Variants in SH3RF3 observed in about 807,000 individuals in gnomAD.
The protein encoded by SH3RF3 is SH3 domain containing ring finger 3, also known as E3 ubiquitin-protein ligase SH3RF3.
A neutral mutation model predicts 66.3 loss-of-function variants in SH3RF3; 29 were observed. That is an observed-to-expected ratio of 0.44 (90% CI 0.33 to 0.60). The LOEUF is 0.60. Ranked by LOEUF, SH3RF3 falls within the 20% of genes least tolerant of loss-of-function variation. The pLI is 0.04. For missense variants in SH3RF3, 1,194 were observed against 1,190.9 expected (o/e 1.00, Z -0.04); for synonymous variants, 583 against 532.0 (o/e 1.10, Z -1.32).
At chr2:109,281,047 G>A (rs116346772) in intron 1 of SH3RF3, among the ~76,000 whole-genome samples, 1,565 of 152,284 alleles carry the variant, frequency 0.01, 37 homozygotes, top group African/African-American at 0.035. Flanking sequence ...CCCCAGAGCC[G>A]ACCTTGTATG....
At chr2:109,477,175 C>T (rs1022818497) in intron 8 of SH3RF3, among the ~76,000 whole-genome samples, 7 of 152,142 alleles carry the variant, frequency 4.6e-5, no homozygotes, top group African/African-American at 1.7e-4. Flanking sequence ...GACCGTTGGC[C>T]TAGGAGAACT....
intron 1 of SH3RF3, among the ~76,000 whole-genome samples, chr2:109,171,992 G>T (rs567324601): frequency 1.2e-4 from 18 of 152,308 alleles, no homozygotes; most frequent in African/African-American, 4.1e-4. Flanking sequence ...CAGCTGAGTC[G>T]CCCGTTTCCC....
intron 1 of SH3RF3, among the ~76,000 whole-genome samples, chr2:109,146,969 T>C (rs915235191): frequency 2.8e-5 from 4 of 143,690 alleles, no homozygotes; most frequent in Admixed American, 7.3e-5. Flanking sequence ...TGTTCCCATC[T>C]TTCCTCCTGG....
intron 1 of SH3RF3, among the ~76,000 whole-genome samples, chr2:109,151,872 T>C (rs1333463177): frequency 6.6e-6 from 1 of 152,244 alleles, no homozygotes; most frequent in Non-Finnish European, 1.5e-5. Flanking sequence ...CGAATTGTCA[T>C]CATGATAGAA....
At chr2:109,159,302 G>A (rs1382787951) in intron 1 of SH3RF3, among the ~76,000 whole-genome samples, 2 of 152,200 alleles carry the variant, frequency 1.3e-5, no homozygotes, top group Non-Finnish European at 2.9e-5. Flanking sequence ...GACCGCTGCT[G>A]TACCGCGGTT....
chr2:109,142,434 C>T (rs1574471411), intron 1 of SH3RF3, among the ~76,000 whole-genome samples: 1 of 152,198 alleles, frequency 6.6e-6, no homozygotes, highest in Non-Finnish European at 1.5e-5. Context: ...ATATGTGTCC[C>T]GTGACTTCTT....
At chr2:109,392,533 G>A (rs1024822385) in intron 3 of SH3RF3, among the ~76,000 whole-genome samples, 7 of 151,584 alleles carry the variant, frequency 4.6e-5, no homozygotes, top group Admixed American at 2.6e-4. Context: ...TTTTGGAGAC[G>A]GAGTCTCGCA....
chr2:109,423,375 C>A (rs527573776), intron 5 of SH3RF3, among the ~76,000 whole-genome samples: 127 of 152,248 alleles, frequency 8.3e-4, no homozygotes, highest in African/African-American at 2.9e-3. Context: ...TCAGGAGTGA[C>A]CCCCTCATGA....
chr2:109,377,614 G>A (rs766099320), intron 3 of SH3RF3, among the ~76,000 whole-genome samples: 21 of 152,146 alleles, frequency 1.4e-4, no homozygotes, highest in Admixed American at 1.3e-4. Flanking sequence ...AATAATGGCA[G>A]CCAACATGAA....
intron 1 of SH3RF3, among the ~76,000 whole-genome samples, chr2:109,281,692 G>A (rs1472140870): frequency 6.6e-6 from 1 of 152,170 alleles, no homozygotes; most frequent in Admixed American, 6.5e-5. Context: ...TAGATTCAGG[G>A]TAGAGGAAAT....
chr2:109,376,805 C>T (rs1254408295), intron 3 of SH3RF3, among the ~76,000 whole-genome samples: 1 of 152,214 alleles, frequency 6.6e-6, no homozygotes, highest in East Asian at 1.9e-4. Context: ...CCCAAGGATC[C>T]TTAGAGACAG....
chr2:109,249,676 C>A (rs934019847), intron 1 of SH3RF3, among the ~76,000 whole-genome samples: 1 of 145,176 alleles, frequency 6.9e-6, no homozygotes, highest in Non-Finnish European at 1.5e-5. Context: ...TTGACAGAGT[C>A]TTGCTGTGTC....
In SH3RF3 at chr2:109,392,797, C is replaced by G. The variant is rs181494832; in HGVS notation, c.946-5793C>G. On this transcript the variant is annotated intron_variant, in intron 3 of 9. Transcript: ENST00000309415. ...CCCAAAGTGCTGAGATTACAGGCGTCAGCCACCACGCACGGCCCCCTGGCT... is the reference window on the plus strand; with the variant it reads ...CCCAAAGTGCTGAGATTACAGGCGTGAGCCACCACGCACGGCCCCCTGGCT... 6.4e-4 allele frequency among the ~76,000 whole-genome samples: 98 copies of G among 152,256 alleles called. No homozygotes were observed. In the East Asian group the frequency reaches 8.5e-3, roughly 13 times the overall value.
intron 6 of SH3RF3, among the ~76,000 whole-genome samples, chr2:109,435,156 C>G (rs1677364260): frequency 6.6e-6 from 1 of 152,210 alleles, no homozygotes; most frequent in Admixed American, 6.5e-5. Context: ...CTCTCCGGTT[C>G]CTTAGAGAAG....
chr2:109,209,111 T>G (rs1678908665), intron 1 of SH3RF3, among the ~76,000 whole-genome samples: 1 of 152,206 alleles, frequency 6.6e-6, no homozygotes, highest in African/African-American at 2.4e-5. Context: ...GTTGCCCAAC[T>G]TTTTCTACTG....
chr2:109,229,530 C>A (rs545221016), intron 1 of SH3RF3, among the ~76,000 whole-genome samples: 40 of 151,988 alleles, frequency 2.6e-4, no homozygotes, highest in African/African-American at 9.7e-4. Flanking sequence ...CTTGAGAGCC[C>A]GATACGGGAG....
chr2:109,295,281 G>C lies in SH3RF3; in HGVS notation c.574-52393G>C, dbSNP rs11899415. Among the ~76,000 whole-genome samples the C allele has an allele frequency of 5.9e-3, 899 of 152,322 alleles. 7 individuals carry two copies. The highest frequency in any genetic ancestry group is 0.02 in the African/African-American group (846 of 41,572). ...GGGCCTGCGGTGGCTCCAGGAAGCA[G>C]GTGCTCTTGTCATCCCCAATTTGTA... On this transcript the variant is annotated intron_variant, in intron 1 of 9. Coordinates refer to ENST00000309415, the MANE Select transcript of SH3RF3 (RefSeq NM_001099289.3).
chr2:109,431,391 C>T (rs191088969), intron 5 of SH3RF3, among the ~76,000 whole-genome samples: 6 of 152,308 alleles, frequency 3.9e-5, no homozygotes, highest in Admixed American at 1.3e-4. Flanking sequence ...TCTCTCCCTC[C>T]GTTCAAAACC....
At chr2:109,184,794 A>G (rs890263638) in intron 1 of SH3RF3, among the ~76,000 whole-genome samples, 1 of 152,224 alleles carries the variant, frequency 6.6e-6, no homozygotes, top group African/African-American at 2.4e-5. Flanking sequence ...TGTGCCACAT[A>G]CAAGAAAGTA....
Sources: allele counts gnomAD v4.1 joint callset (sites outside exome capture counted in the v4.1 genomes callset), GRCh38; gene constraint gnomAD v4.1.1; transcripts MANE v1.5; gene names NCBI Gene and HGNC (gene_info 2026-07-23, HGNC 2026-07-21).